The following RELN variants were observed in gnomAD, a reference collection of about 807,000 sequenced individuals.
RELN encodes reelin.
In RELN, 108 loss-of-function variants were observed where a neutral mutation model predicts 427.6. The observed-to-expected ratio is 0.25, with a 90% CI of 0.22 to 0.30. The LOEUF (loss-of-function observed/expected upper bound fraction) is 0.30, where lower values mean the gene tolerates loss of function less well. Among genes scored for constraint, RELN ranks in the 10% least tolerant of loss-of-function variants. RELN has a pLI of 1.00. For synonymous variants in RELN, 1,524 were observed against 1,513.4 expected (o/e 1.01, Z -0.16); for missense variants, 3,715 against 4,302.8 (o/e 0.86, Z 3.82).
intron 43 of RELN, among the ~76,000 whole-genome samples, chr7:103,541,891 A>G (rs1830185081): frequency 6.6e-6 from 1 of 152,232 alleles, no homozygotes; most frequent in Non-Finnish European, 1.5e-5. Flanking sequence ...ATTTTCTATG[A>G]AGTGTGATCA....
chr7:103,773,436 T>TCTCTCTCTCCCTCGCTCCCTCC (rs774274094), intron 4 of RELN, among the ~76,000 whole-genome samples: 3,585 of 120,640 alleles, frequency 0.03, 266 homozygotes, highest in Non-Finnish European at 0.044. Context: ...CCTCTCTCTC[T>TCTCTCTCTCCCTCGCTCCCTCC]CTCTCTCTCC....
At position 103,557,921 on chromosome 7, in the gene RELN, CAG is replaced by C. The variant is rs373080790; in HGVS notation, c.5614+42_5614+43del. On this transcript the variant is annotated intron_variant, in intron 37 of 64. Coordinates refer to ENST00000428762, the MANE Select transcript of RELN (RefSeq NM_005045.4). ...ATTTCTTTGTGGAAAAGGAATTGCA[CAG>C]GGGAGAATTCTCTTGAAGGAAAATA... The C allele has an allele frequency of 2.7e-3, 2,486 of 916,132 alleles. 14 individuals carry two copies. The highest frequency in any genetic ancestry group is 0.013 in the Middle Eastern group (60 of 4,668). 56.8% of individuals were successfully genotyped at this position (916,132 alleles called of 1,614,324 possible).
chr7:103,802,558 C>T (rs547253028), intron 3 of RELN, among the ~76,000 whole-genome samples: 1 of 152,208 alleles, frequency 6.6e-6, no homozygotes, highest in East Asian at 1.9e-4. Context: ...CTGTAGAAGT[C>T]ACACAAATTC....
chr7:103,726,209 C>T (rs1266069576), intron 7 of RELN, among the ~76,000 whole-genome samples: 1 of 152,090 alleles, frequency 6.6e-6, no homozygotes, highest in Non-Finnish European at 1.5e-5. Context: ...TCTATAAACA[C>T]AACTTGGGTA....
At chr7:103,808,867 A>T (rs776040117) in intron 3 of RELN, among the ~76,000 whole-genome samples, 451 of 152,310 alleles carry the variant, frequency 3.0e-3, no homozygotes, top group Non-Finnish European at 5.0e-3. Flanking sequence ...ACTGAAACAG[A>T]AACGGGGTTA....
intron 10 of RELN, among the ~76,000 whole-genome samples, chr7:103,694,717 T>A (rs1162883290): frequency 2.0e-5 from 3 of 152,088 alleles, no homozygotes; most frequent in African/African-American, 7.2e-5. Flanking sequence ...TGGAAATTTT[T>A]TTTTCAGATC....
rs532492718 is a variant in RELN, at chr7:103,509,099, A to G, written c.8274+1752T>C. 6.6e-5 allele frequency among the ~76,000 whole-genome samples: 10 copies of G among 152,348 alleles called. No homozygotes were observed. The South Asian group carries it at 1.9e-3, about 28-fold the overall frequency. On this transcript the variant is annotated intron_variant, in intron 51 of 64. Transcript: ENST00000428762. ...ACTGCCCAAAGTAATTATAGATTCAATGCTATCCCCATCAAGCTACTATTG... is the reference window on the plus strand; with the variant it reads ...ACTGCCCAAAGTAATTATAGATTCAGTGCTATCCCCATCAAGCTACTATTG...
chr7:103,558,078 A>G, intron 36 of RELN, 29 bp from the exon 37 acceptor site: 1 of 1,058,142 alleles, frequency 9.5e-7, no homozygotes, highest in Non-Finnish European at 1.5e-6. Flanking sequence ...ACGTTAAGCA[A>G]CTTTTTTTCA....
In RELN at chr7:103,503,088, T is replaced by C; in HGVS notation, c.8417A>G (p.Gln2806Arg). 1 of 1,614,176 alleles carries C rather than the reference T, an allele frequency of 6.2e-7. No homozygotes were observed. The highest frequency in any genetic ancestry group is 8.5e-7 in the Non-Finnish European group (1 of 1,180,034). ...TTTAGTTGGAAAGAATACAGATGGCTGAGAAACACTTCCAGAGCATTTTGG... is the reference window on the plus strand; with the variant it reads ...TTTAGTTGGAAAGAATACAGATGGCCGAGAAACACTTCCAGAGCATTTTGG... ...ADPKCSGSVS[Q>R]PSVFFPTKGW... is the part of the protein sequence containing the mutation. The change falls in exon 52 of 65, where the codon CAG (glutamine) becomes CGG (arginine). Residue 2806 changes from glutamine to arginine, a missense_variant. This residue lies in a region of RELN where 1,310 missense variants were observed against 1,643.0 expected (regional missense o/e 0.80). Transcript: ENST00000428762.
chr7:103,716,003 T>C (rs1312143273), intron 8 of RELN, among the ~76,000 whole-genome samples: 1 of 152,162 alleles, frequency 6.6e-6, no homozygotes, highest in Admixed American at 6.6e-5. Context: ...CTGTCTCCCC[T>C]CCACCACTCA....
At chr7:103,944,842 T>C (rs1796187313) in intron 1 of RELN, among the ~76,000 whole-genome samples, 1 of 152,150 alleles carries the variant, frequency 6.6e-6, no homozygotes, top group East Asian at 1.9e-4. Context: ...GTGTTTGATA[T>C]GGCCCCAGGC....
intron 28 of RELN, among the ~76,000 whole-genome samples, chr7:103,583,456 A>C (rs1449717569): frequency 1.3e-5 from 2 of 152,206 alleles, no homozygotes; most frequent in Non-Finnish European, 2.9e-5. Flanking sequence ...ATTCCTTACA[A>C]TACAATGAAA....
At chr7:103,922,005 T>G (rs1048623614) in intron 1 of RELN, among the ~76,000 whole-genome samples, 1 of 152,142 alleles carries the variant, frequency 6.6e-6, no homozygotes, top group African/African-American at 2.4e-5. Flanking sequence ...TCCCCAGAGT[T>G]TGGCTCAAGG....
intron 2 of RELN, among the ~76,000 whole-genome samples, chr7:103,842,911 G>GTA (rs1793587722): frequency 6.6e-6 from 1 of 152,064 alleles, no homozygotes; most frequent in Non-Finnish European, 1.5e-5. Context: ...TCCTCTCCCA[G>GTA]AACTACCATT....
chr7:103,728,891 A>C (rs1790281905), intron 6 of RELN, among the ~76,000 whole-genome samples: 1 of 152,128 alleles, frequency 6.6e-6, no homozygotes, highest in Non-Finnish European at 1.5e-5. Flanking sequence ...TTGGATACTG[A>C]GCTATTATGC....
At chr7:103,786,043 T>A (rs76067162) in intron 3 of RELN, among the ~76,000 whole-genome samples, 3,049 of 152,092 alleles carry the variant, frequency 0.02, 99 homozygotes, top group African/African-American at 0.067. Flanking sequence ...GTAATGGTGT[T>A]TTCCTGCAAA....
chr7:103,707,626 G>A (rs1275869792), intron 8 of RELN, among the ~76,000 whole-genome samples: 1 of 151,906 alleles, frequency 6.6e-6, no homozygotes, highest in Non-Finnish European at 1.5e-5. Flanking sequence ...AGCCTCCTGA[G>A]TAGCTAGGAC....
intron 6 of RELN, among the ~76,000 whole-genome samples, chr7:103,745,474 T>C (rs577881900): frequency 6.2e-5 from 9 of 145,984 alleles, no homozygotes; most frequent in Non-Finnish European, 1.2e-4. Context: ...GGAAGTCAAA[T>C]TGTCCCTGTT....
intron 3 of RELN, among the ~76,000 whole-genome samples, chr7:103,805,138 T>C (rs1213201766): frequency 6.6e-6 from 1 of 152,074 alleles, no homozygotes; most frequent in East Asian, 1.9e-4. Context: ...ACTAACAATC[T>C]GGCTGAGTGA....
Sources: gnomAD v4.1 joint callset for allele counts (sites outside exome capture counted in the v4.1 genomes callset) on GRCh38, gnomAD v4.1.1 for gene constraint, gnomAD v4.1.1 regional missense constraint, MANE v1.5 for transcripts, NCBI Gene and HGNC (gene_info 2026-07-23, HGNC 2026-07-21) for gene names.